NCBP3: variants seen among roughly 807,000 people sequenced by gnomAD.
NCBP3 encodes the protein nuclear cap binding subunit 3, also known as nuclear cap-binding protein subunit 3.
NCBP3 carries 20 observed loss-of-function variants against 75.7 expected under a neutral mutation model. That is an observed-to-expected ratio of 0.26 (90% CI 0.19 to 0.38). The LOEUF (loss-of-function observed/expected upper bound fraction) is 0.38, where lower values mean the gene tolerates loss of function less well. NCBP3 is among the 10% of genes least tolerant of loss of function. The probability of loss-of-function intolerance (pLI) is 1.00; values close to 1 mark genes in which losing one functional copy is unlikely to be tolerated. For synonymous variants in NCBP3, 293 were observed against 290.5 expected (o/e 1.01, Z -0.09); for missense variants, 678 against 796.9 (o/e 0.85, Z 1.80).
rs1460569521 is a variant in NCBP3 at position 3,811,214 on chromosome 17, C to T, written c.*1830G>A. On this transcript the variant is annotated 3_prime_UTR_variant, in exon 13 of 13. Transcript: ENST00000389005. ...CAACTGCTAGACGGGAAAACTGAGGCCCAGGTCCATGGAGCAGAGCCAGGG... is the reference window on the plus strand; with the variant it reads ...CAACTGCTAGACGGGAAAACTGAGGTCCAGGTCCATGGAGCAGAGCCAGGG... The T allele has an allele frequency of 1.3e-5, 2 of 152,348 alleles. No homozygotes were observed. Among genetic ancestry groups the T allele is most frequent in the African/African-American group, 4.8e-5 (2 of 41,424 alleles). The allele number at this position is 152,348 out of a possible 1,614,324, so 9.4% of individuals were successfully genotyped here. A position where few individuals can be genotyped will look rare whatever the true frequency, so the allele number is the denominator to read the frequency against.
Position 3,811,905 on chromosome 17 carries a change from A to C in NCBP3, c.*1139T>G, listed in dbSNP as rs1468087175. The C allele has an allele frequency of 1.3e-5, 2 of 152,228 alleles. No individual in the cohort carries two copies. Among genetic ancestry groups the C allele is most frequent in the Non-Finnish European group, 2.9e-5 (2 of 68,036 alleles). The allele number at this position is 152,228 out of a possible 1,614,324, so 9.4% of individuals were successfully genotyped here. ...GGAGTTTAAAAATAAATGAACTAAA[A>C]TTTTTATAACTATTATCTTTTCTGC... On this transcript the variant is annotated 3_prime_UTR_variant, in exon 13 of 13. Transcript: ENST00000389005.
At chr17:3,814,535 G>A (rs1484870480) in intron 11 of NCBP3, 52 bp from the exon 12 acceptor site, 2 of 1,591,534 alleles carry the variant, frequency 1.3e-6, no homozygotes, top group East Asian at 2.2e-5. Flanking sequence ...TTTATGCTCG[G>A]CACCAGCCGC....
Position 3,818,401 on chromosome 17 carries a change from C to A in NCBP3, c.1172G>T (p.Arg391Leu), listed in dbSNP as rs752633062. Residue 391 changes from arginine (R) to leucine (L), a missense_variant, in exon 10 of 13, where the codon CGA becomes CTA. Physicochemically the swap from Arg to Leu is moderately radical, Grantham distance 102. This residue lies in a region of NCBP3 where 365 missense variants were observed against 392.7 expected (regional missense o/e 0.93). Coordinates refer to ENST00000389005, the MANE Select transcript of NCBP3 (RefSeq NM_001114118.3). This position sits in a 1 kb window ranked among gnomAD's most constrained non-coding sequence, Gnocchi z 4.7. ...KQPRERSASR[R>L]SSASSSDSDE... ...TGAGTCTGAGCTGCTGGCACTGGAT[C>A]GTCTAGACGCGCTCCGCTCCCGGGG... 3 of 1,613,996 alleles carry A rather than the reference C, an allele frequency of 1.9e-6. No individual in the cohort carries two copies. The highest frequency in any genetic ancestry group is 2.5e-6 in the Non-Finnish European group (3 of 1,180,024).
chr17:3,840,354 T>C, intron 2 of NCBP3, 149 bp from the exon 3 acceptor site: 1 of 649,876 alleles, frequency 1.5e-6, no homozygotes, highest in Non-Finnish European at 2.7e-6. Context: ...GAGACCTGGA[T>C]ATTCACACTC....
At chr17:3,835,047 T>A (rs1045182059) in intron 3 of NCBP3, among the ~76,000 whole-genome samples, 4 of 151,912 alleles carry the variant, frequency 2.6e-5, no homozygotes, top group African/African-American at 9.7e-5. Context: ...CACCAACCAC[T>A]GGATGAAGAA....
Position 3,809,383 on chromosome 17 carries a change from G to C in NCBP3, c.*3661C>G, listed in dbSNP as rs368589490. 3 of 152,160 alleles carry C rather than the reference G, an allele frequency of 2.0e-5. No individual in the cohort carries two copies. Among genetic ancestry groups the C allele is most frequent in the Admixed American group, 6.5e-5 (1 of 15,270 alleles). The allele number at this position is 152,160 out of a possible 1,614,324, so 9.4% of individuals were successfully genotyped here. On this transcript the variant is annotated 3_prime_UTR_variant, in exon 13 of 13. Transcript: ENST00000389005. Reference sequence around the variant, plus strand: ...CCTGTCCCTGCAAAAACTTGTTCGGGAATGTTCGTAGCAACACTATTCATA... The same window carrying C: ...CCTGTCCCTGCAAAAACTTGTTCGGCAATGTTCGTAGCAACACTATTCATA...
chr17:3,826,147 G>A lies in NCBP3; in HGVS notation c.550C>T (p.Gln184Ter). 1 of 1,551,548 alleles carries A rather than the reference G, an allele frequency of 6.4e-7. No homozygotes were observed. The highest frequency in any genetic ancestry group is 8.7e-7 in the Non-Finnish European group (1 of 1,146,914). ...GCATCCCTGCTTCTGATCTTATCCT[G>A]TGCAGGCAGGGAGCTCATATTGATA... Reference protein sequence around the residue: ...ALINMSSLPAQDKIRSRDASE... With the variant: ...ALINMSSLPA The change falls in exon 5 of 13, where the codon CAG (glutamine) becomes TAG (stop). Residue 184 changes from glutamine to a stop codon, truncating the protein, a stop_gained. Coordinates refer to ENST00000389005, the MANE Select transcript of NCBP3 (RefSeq NM_001114118.3). LOFTEE classifies it high-confidence loss of function.
intron 3 of NCBP3, among the ~76,000 whole-genome samples, chr17:3,829,792 T>C (rs924893760): frequency 2.6e-5 from 4 of 152,100 alleles, no homozygotes; most frequent in Admixed American, 1.3e-4. Flanking sequence ...CCCGTGACTA[T>C]GTCAAAGCAT....
chr17:3,828,335 C>T (rs1392379633), intron 4 of NCBP3, among the ~76,000 whole-genome samples: 2 of 152,180 alleles, frequency 1.3e-5, no homozygotes, highest in African/African-American at 4.8e-5. Context: ...TGACAGAGAC[C>T]GTTAAGCCTA....
rs1225508793 is a variant in NCBP3, at chr17:3,804,543, T to A, written c.*8501A>T. 6.6e-6 allele frequency: 1 copy of A among 152,090 alleles called. No individual in the cohort carries two copies. Among genetic ancestry groups the A allele is most frequent in the African/African-American group, 2.4e-5 (1 of 41,372 alleles). The allele number at this position is 152,090 out of a possible 1,614,324, so 9.4% of individuals were successfully genotyped here. On this transcript the variant is annotated 3_prime_UTR_variant, in exon 13 of 13. Transcript: ENST00000389005. ...CCTGGGCGACAAGAGCAAGACTTCA[T>A]CTCCAAAAAAAACAGAAAGGGCTGC...
chr17:3,840,089 A>G lies in NCBP3; in HGVS notation c.355+11T>C. ...GAAATGTGGACAAATTTCCCACAAAACACCCTGTACCTTTCTTCATCATGT... is the reference window on the plus strand; with the variant it reads ...GAAATGTGGACAAATTTCCCACAAAGCACCCTGTACCTTTCTTCATCATGT... On this transcript the variant is annotated intron_variant, in intron 3 of 12. Transcript: ENST00000389005. 1 of 1,547,246 alleles carries G rather than the reference A, an allele frequency of 6.5e-7. No individual in the cohort carries two copies. The highest frequency in any genetic ancestry group is 8.7e-7 in the Non-Finnish European group (1 of 1,143,322).
intron 3 of NCBP3, among the ~76,000 whole-genome samples, chr17:3,832,730 T>A (rs969094756): frequency 3.9e-5 from 6 of 152,226 alleles, no homozygotes; most frequent in Non-Finnish European, 7.4e-5. Context: ...AATTTAAAAA[T>A]TTTTTAGCCC....
intron 3 of NCBP3, among the ~76,000 whole-genome samples, chr17:3,832,880 TGTAA>T (rs1421202340): frequency 1.3e-5 from 2 of 152,180 alleles, no homozygotes; most frequent in East Asian, 3.8e-4. Context: ...CATGAGCCCA[TGTAA>T]GTGTGGCCAG....
Position 3,807,107 on chromosome 17 carries a change from G to C in NCBP3, c.*5937C>G, listed in dbSNP as rs1037545905. 5 of 152,192 alleles carry C rather than the reference G, an allele frequency of 3.3e-5. No individual in the cohort carries two copies. 9.4% of individuals were successfully genotyped at this position (152,192 alleles called of 1,614,324 possible). A position where few individuals can be genotyped will look rare whatever the true frequency, so the allele number is the denominator to read the frequency against. ...GAGAAGTTTGAGGAATGCTGCTTTA[G>C]GCAAAAGAGCCACTGGAGGAATGAG... On this transcript the variant is annotated 3_prime_UTR_variant, in exon 13 of 13. Transcript: ENST00000389005.
At chr17:3,819,375 C>G (rs7217249) in intron 9 of NCBP3, among the ~76,000 whole-genome samples, 15,947 of 151,984 alleles carry the variant, frequency 0.1, 1,463 homozygotes, top group African/African-American at 0.24. Flanking sequence ...GGCTAACATG[C>G]TAATACCCTG....
At chr17:3,813,381 C>A in intron 12 of NCBP3, 102 bp from the exon 13 acceptor site, 1 of 1,408,886 alleles carries the variant, frequency 7.1e-7, no homozygotes, top group Non-Finnish European at 9.7e-7. Context: ...GCAGGAAACG[C>A]CAGCAGTCTG....
At chr17:3,821,478 A>G in intron 8 of NCBP3, 126 bp from the exon 9 acceptor site, 1 of 702,972 alleles carries the variant, frequency 1.4e-6, no homozygotes, top group Non-Finnish European at 2.4e-6. Flanking sequence ...GCTGAAGTGC[A>G]ATGGCACCAT....
intron 7 of NCBP3, chr17:3,824,721 T>C (rs1332033511): frequency 3.4e-6 from 1 of 292,442 alleles, no homozygotes; most frequent in Non-Finnish European, 6.3e-6. Context: ...GAAAATAACT[T>C]TAGCCAGAAG....
At chr17:3,817,340 C>T (rs1232865972) in intron 10 of NCBP3, among the ~76,000 whole-genome samples, 1 of 151,890 alleles carries the variant, frequency 6.6e-6, no homozygotes, top group Non-Finnish European at 1.5e-5. Flanking sequence ...GGGATTAAAA[C>T]CCTTCTGAGC....
Sources: gnomAD v4.1 joint callset for allele counts (sites outside exome capture counted in the v4.1 genomes callset) on GRCh38, gnomAD v4.1.1 for gene constraint, gnomAD v4.1.1 regional missense constraint, Gnocchi (gnomAD v3.1) non-coding constraint, MANE v1.5 for transcripts, NCBI Gene and HGNC (gene_info 2026-07-23, HGNC 2026-07-21) for gene names.